Variants in SPAG17 observed in about 807,000 individuals in gnomAD.
SPAG17 encodes the protein sperm associated antigen 17, also known as sperm-associated antigen 17.
In SPAG17, 169 loss-of-function variants were observed where a neutral mutation model predicts 273.6. The observed-to-expected ratio is 0.62, with a 90% CI of 0.55 to 0.70. SPAG17 has a LOEUF of 0.70. Among genes scored for constraint, SPAG17 ranks in the 30% least tolerant of loss-of-function variants. The pLI is 0.00. For synonymous variants in SPAG17, 825 were observed against 873.2 expected, an observed-to-expected ratio of 0.94 and a Z score of 0.97; for missense variants, 2,557 against 2,627.8, an observed-to-expected ratio of 0.97 and a Z score of 0.59.
At chr1:117,988,228 T>A (rs776825651) in intron 38 of SPAG17, 24 bp from the exon 39 acceptor site, 13 of 1,538,520 alleles carry the variant, frequency 8.4e-6, no homozygotes, top group African/African-American at 1.4e-5. Flanking sequence ...TGTATTTAAC[T>A]TTTATCCCCA....
chr1:118,161,126 G>A (rs750677107), intron 1 of SPAG17, among the ~76,000 whole-genome samples: 4 of 152,210 alleles, frequency 2.6e-5, no homozygotes, highest in Non-Finnish European at 5.9e-5. Flanking sequence ...TAAGATGGGA[G>A]TGTGAAAATG....
At chr1:117,988,307 A>G in intron 38 of SPAG17, 103 bp from the exon 39 acceptor site, 1 of 742,374 alleles carries the variant, frequency 1.3e-6, no homozygotes, top group Non-Finnish European at 2.0e-6. Context: ...GAGCCTATAT[A>G]GTTAATCTAT....
chr1:118,084,951 C>A (rs532392594), intron 13 of SPAG17, among the ~76,000 whole-genome samples: 1 of 152,256 alleles, frequency 6.6e-6, no homozygotes, highest in African/African-American at 2.4e-5. Flanking sequence ...TTCTATGATT[C>A]ATCTTTCTAG....
intron 38 of SPAG17, 51 bp from the exon 39 acceptor site, chr1:117,988,255 C>A (rs1656662017): frequency 1.5e-6 from 2 of 1,323,600 alleles, no homozygotes; most frequent in East Asian, 2.5e-5. Context: ...TATAGGGCAA[C>A]ACACAATCAG....
intron 4 of SPAG17, among the ~76,000 whole-genome samples, chr1:118,109,631 TATA>T (rs1254925640): frequency 2.6e-5 from 4 of 151,530 alleles, no homozygotes; most frequent in Admixed American, 2.0e-4. Context: ...ATATAAAATT[TATA>T]ATAAGATCCT....
At chr1:118,061,903 G>GA (rs1011105060) in intron 18 of SPAG17, among the ~76,000 whole-genome samples, 1 of 151,976 alleles carries the variant, frequency 6.6e-6, no homozygotes, top group Admixed American at 6.6e-5. Flanking sequence ...TAAAGAAACT[G>GA]AAAAAGAGAA....
intron 4 of SPAG17, 124 bp from the exon 5 acceptor site, chr1:118,102,050 T>G (rs967897016): frequency 1.5e-5 from 13 of 844,034 alleles, no homozygotes; most frequent in African/African-American, 8.5e-5. Context: ...TTTTAGGTAT[T>G]CATTATATAA....
intron 1 of SPAG17, among the ~76,000 whole-genome samples, chr1:118,163,556 T>C (rs1660028100): frequency 6.6e-6 from 1 of 151,444 alleles, no homozygotes; most frequent in South Asian, 2.1e-4. Context: ...TTTTTTTTTT[T>C]ACTAGAGCAA....
intron 18 of SPAG17, 81 bp downstream of exon 18, chr1:118,066,664 A>G (rs948291745): frequency 5.1e-5 from 61 of 1,192,620 alleles, no homozygotes; most frequent in Non-Finnish European, 6.7e-5. Flanking sequence ...TAGGGTAAGG[A>G]ACTAACACCT....
chr1:118,171,700 A>G (rs2102394242), intron 1 of SPAG17, among the ~76,000 whole-genome samples: 1 of 152,312 alleles, frequency 6.6e-6, no homozygotes, highest in Admixed American at 6.5e-5. Flanking sequence ...TTCAATAGAC[A>G]TTTATTAAAT....
intron 3 of SPAG17, among the ~76,000 whole-genome samples, chr1:118,136,291 A>C (rs1158628775): frequency 2.0e-5 from 3 of 152,298 alleles, no homozygotes; most frequent in Non-Finnish European, 4.4e-5. Context: ...ATTTTAACAA[A>C]TGCACTCGTG....
intron 4 of SPAG17, 92 bp downstream of exon 4, chr1:118,115,218 G>T: frequency 6.9e-7 from 1 of 1,458,764 alleles, no homozygotes; most frequent in Non-Finnish European, 9.4e-7. Context: ...TTAATGGTAG[G>T]CTTAAGAAGA....
intron 17 of SPAG17, among the ~76,000 whole-genome samples, chr1:118,067,367 A>G (rs928068833): frequency 1.3e-5 from 2 of 152,172 alleles, no homozygotes; most frequent in African/African-American, 4.8e-5. Context: ...TGGGAAAGTA[A>G]TTAGGTTTGA....
chr1:118,035,140 G>A (rs1369572201), intron 24 of SPAG17, among the ~76,000 whole-genome samples: 3 of 151,864 alleles, frequency 2.0e-5, no homozygotes, highest in African/African-American at 7.3e-5. Flanking sequence ...ATATACATAC[G>A]CATATAATTT....
In SPAG17 at chr1:118,034,765, T is replaced by C. The variant is rs556170708; in HGVS notation, c.3433+2005A>G. ...CTATGGGAAAATAGATGGGGTTCGT[T>C]GTCATCCAGGGTTTGGGTAAAGAAT... On this transcript the variant is annotated intron_variant, in intron 24 of 48. Coordinates refer to ENST00000336338, the MANE Select transcript of SPAG17 (RefSeq NM_206996.4). 1.1e-3 allele frequency among the ~76,000 whole-genome samples: 160 copies of C among 152,284 alleles called. 1 individual carries two copies. Among genetic ancestry groups the C allele is most frequent in the Non-Finnish European group, 1.3e-3 (89 of 68,016 alleles).
At chr1:118,139,691 G>A (rs1436342627) in intron 3 of SPAG17, among the ~76,000 whole-genome samples, 1 of 152,086 alleles carries the variant, frequency 6.6e-6, no homozygotes, top group African/African-American at 2.4e-5. Flanking sequence ...TAAGTGAAAT[G>A]AGTTGGGCAT....
intron 1 of SPAG17, among the ~76,000 whole-genome samples, chr1:118,183,407 A>T (rs1661038273): frequency 6.6e-6 from 1 of 152,154 alleles, no homozygotes; most frequent in Admixed American, 6.5e-5. Context: ...ATTCTTTTAG[A>T]TCAGACATGA....
chr1:118,028,273 C>A lies in SPAG17; in HGVS notation c.3730+1G>T. 1 of 1,613,224 alleles carries A rather than the reference C, an allele frequency of 6.2e-7. No individual in the cohort carries two copies. The highest frequency in any genetic ancestry group is 8.5e-7 in the Non-Finnish European group (1 of 1,179,506). On this transcript the variant is annotated splice_donor_variant, in intron 26 of 48. Coordinates refer to ENST00000336338, the MANE Select transcript of SPAG17 (RefSeq NM_206996.4). LOFTEE classifies it high-confidence loss of function. ...CCCACCCTACCCCATATAGCACTTA[C>A]CTGTAGATTCTTGTCCAATGAAAGT...
At chr1:118,082,723 T>C (rs929054120) in intron 13 of SPAG17, among the ~76,000 whole-genome samples, 27 of 152,078 alleles carry the variant, frequency 1.8e-4, no homozygotes, top group African/African-American at 6.3e-4. Flanking sequence ...AAAGTGATAA[T>C]AGTCAGGGAG....
Sources: gnomAD v4.1 joint callset for allele counts (sites outside exome capture counted in the v4.1 genomes callset) on GRCh38, gnomAD v4.1.1 for gene constraint, MANE v1.5 for transcripts, NCBI Gene and HGNC (gene_info 2026-07-23, HGNC 2026-07-21) for gene names.